NTNG1: variants seen among roughly 807,000 people sequenced by gnomAD.
NTNG1 encodes netrin G1.
NTNG1 carries 16 observed loss-of-function variants against 54.0 expected under a neutral mutation model. The observed-to-expected ratio is 0.30, with a 90% CI of 0.20 to 0.45. NTNG1 has a LOEUF of 0.45. Among genes scored for constraint, NTNG1 ranks in the 20% least tolerant of loss-of-function variants. NTNG1 has a pLI of 1.00. For missense variants in NTNG1, 530 were observed against 678.7 expected (o/e 0.78, Z 2.43); for synonymous variants, 255 against 263.1 (o/e 0.97, Z 0.30).
At chr1:107,409,107 A>G (rs1161574793) in intron 5 of NTNG1, 6 of 152,248 alleles carry the variant, frequency 3.9e-5, no homozygotes, top group Non-Finnish European at 7.3e-5. Flanking sequence ...TTGAAACAGC[A>G]TCAGTGTTAA....
At chr1:107,210,359 G>C (rs1659517755) in intron 2 of NTNG1, among the ~76,000 whole-genome samples, 2 of 152,136 alleles carry the variant, frequency 1.3e-5, no homozygotes, top group Admixed American at 1.3e-4. Flanking sequence ...ATAAAGACTT[G>C]AATTAAGGCA....
intron 3 of NTNG1, among the ~76,000 whole-genome samples, chr1:107,372,319 A>G (rs1278322441): frequency 6.6e-6 from 1 of 152,032 alleles, no homozygotes; most frequent in African/African-American, 2.4e-5. Flanking sequence ...ATTTAGTGCT[A>G]TAAATTTCCT....
chr1:107,464,279 T>C (rs1429389159), intron 7 of NTNG1, among the ~76,000 whole-genome samples: 1 of 152,150 alleles, frequency 6.6e-6, no homozygotes, highest in Non-Finnish European at 1.5e-5. Context: ...TATAGGTAGA[T>C]TTGACAAGCC....
At chr1:107,329,447 C>T (rs561029783) in intron 3 of NTNG1, among the ~76,000 whole-genome samples, 6 of 152,144 alleles carry the variant, frequency 3.9e-5, no homozygotes. Context: ...ACAACTTCCA[C>T]ATGGTTAGTG....
intron 2 of NTNG1, among the ~76,000 whole-genome samples, chr1:107,264,558 A>C (rs1184695065): frequency 6.6e-6 from 1 of 152,184 alleles, no homozygotes; most frequent in Non-Finnish European, 1.5e-5. Flanking sequence ...TTTTTCTATC[A>C]TACTGCCCTC....
chr1:107,230,657 G>A (rs570580362), intron 2 of NTNG1, among the ~76,000 whole-genome samples: 1 of 152,170 alleles, frequency 6.6e-6, no homozygotes, highest in South Asian at 2.1e-4. Flanking sequence ...TTTAAGATGG[G>A]AATATTAATA....
intron 2 of NTNG1, among the ~76,000 whole-genome samples, chr1:107,304,604 G>T (rs1666551877): frequency 6.6e-6 from 1 of 152,062 alleles, no homozygotes; most frequent in African/African-American, 2.4e-5. Context: ...GATCCTTGTT[G>T]CAGTTTGATT....
chr1:107,215,711 T>A (rs1659907384), intron 2 of NTNG1, among the ~76,000 whole-genome samples: 1 of 152,088 alleles, frequency 6.6e-6, no homozygotes, highest in Non-Finnish European at 1.5e-5. Flanking sequence ...TGCAAGGAAT[T>A]TTAGGATTGC....
chr1:107,408,179 A>G (rs1471245636), intron 5 of NTNG1: 1 of 243,188 alleles, frequency 4.1e-6, no homozygotes, highest in Non-Finnish European at 8.1e-6. Context: ...AGGGAAGGGA[A>G]TTTTGTTAAT....
chr1:107,228,816 T>G (rs1202965104), intron 2 of NTNG1, among the ~76,000 whole-genome samples: 1 of 151,818 alleles, frequency 6.6e-6, no homozygotes, highest in Non-Finnish European at 1.5e-5. Context: ...CAATGGGGAG[T>G]CTCAGCTGGC....
At chr1:107,330,796 T>C (rs1450410286) in intron 3 of NTNG1, 1 of 152,054 alleles carries the variant, frequency 6.6e-6, no homozygotes, top group Non-Finnish European at 1.5e-5. Flanking sequence ...ATCGATGACA[T>C]TGAGGATTTT....
At chr1:107,465,248 T>A (rs1281155667) in intron 7 of NTNG1, among the ~76,000 whole-genome samples, 1 of 151,910 alleles carries the variant, frequency 6.6e-6, no homozygotes, top group Non-Finnish European at 1.5e-5. Flanking sequence ...AGAAAAAAAA[T>A]GGATGCTTAG....
chr1:107,451,834 T>C (rs551969615), intron 7 of NTNG1, among the ~76,000 whole-genome samples: 1 of 152,282 alleles, frequency 6.6e-6, no homozygotes, highest in Admixed American at 6.5e-5. Context: ...GCCTTAAGGA[T>C]GTTGCTAAAC....
rs185111973 is a variant in NTNG1 at position 107,302,971 on chromosome 1, C to A, written c.247-21311C>A. 1.3e-3 allele frequency among the ~76,000 whole-genome samples: 191 copies of A among 152,270 alleles called. 1 individual carries two copies. The highest frequency in any genetic ancestry group is 4.4e-3 in the African/African-American group (184 of 41,562). ...AGCTTAGGCTATTCGCCACTCAATA[C>A]GTAGTGTAAATATTTCCCCCTACCT... On this transcript the variant is annotated intron_variant, in intron 2 of 7. Transcript: ENST00000370068.
At chr1:107,367,681 A>G (rs141249121) in intron 3 of NTNG1, among the ~76,000 whole-genome samples, 201 of 152,168 alleles carry the variant, frequency 1.3e-3, no homozygotes, top group African/African-American at 4.5e-3. Flanking sequence ...TCCTTAGTCT[A>G]CTGTAGTTAC....
intron 5 of NTNG1, chr1:107,409,851 A>C (rs1286761966): frequency 2.0e-5 from 3 of 152,080 alleles, no homozygotes; most frequent in Non-Finnish European, 4.4e-5. Context: ...ATCAAACGTG[A>C]TTGTATCTTC....
At chr1:107,271,746 A>C (rs1351731269) in intron 2 of NTNG1, among the ~76,000 whole-genome samples, 1 of 152,204 alleles carries the variant, frequency 6.6e-6, no homozygotes, top group Non-Finnish European at 1.5e-5. Flanking sequence ...TTAGGTGAAA[A>C]AAAAATTCTA....
chr1:107,326,867 A>G (rs1356429804), intron 3 of NTNG1, among the ~76,000 whole-genome samples: 1 of 152,184 alleles, frequency 6.6e-6, no homozygotes, highest in Non-Finnish European at 1.5e-5. Flanking sequence ...AAAGTGTAAA[A>G]TAAACTTGAA....
intron 2 of NTNG1, among the ~76,000 whole-genome samples, chr1:107,233,148 G>A (rs1033756529): frequency 3.9e-5 from 6 of 152,134 alleles, no homozygotes; most frequent in Non-Finnish European, 7.4e-5. Context: ...ATATAGACCT[G>A]TCTGAGAATA....
Sources: allele counts gnomAD v4.1 joint callset (sites outside exome capture counted in the v4.1 genomes callset), GRCh38; gene constraint gnomAD v4.1.1; transcripts MANE v1.5; gene names NCBI Gene and HGNC (gene_info 2026-07-23, HGNC 2026-07-21).